Variants in LIFR observed in about 807,000 individuals in gnomAD.
LIFR encodes the protein LIF receptor subunit alpha.
In LIFR, 84 loss-of-function variants were observed where a neutral mutation model predicts 122.2. The ratio of observed to expected loss-of-function variants is 0.69; its 90% CI spans 0.58 to 0.82. The LOEUF is 0.82. Among genes scored for constraint, LIFR ranks in the 40% least tolerant of loss-of-function variants. LIFR has a pLI of 0.00. For synonymous variants in LIFR, 422 were observed against 434.7 expected, an observed-to-expected ratio of 0.97 and a Z score of 0.36; for missense variants, 1,294 against 1,311.6, an observed-to-expected ratio of 0.99 and a Z score of 0.21.
chr5:38,569,390 G>A (rs1235326537), intron 1 of LIFR, among the ~76,000 whole-genome samples: 5 of 152,150 alleles, frequency 3.3e-5, no homozygotes, highest in African/African-American at 1.2e-4. Context: ...TGAGAAGCAG[G>A]AGGCTGCTCA....
chr5:38,587,975 C>T (rs1021730969), intron 1 of LIFR, among the ~76,000 whole-genome samples: 5 of 152,198 alleles, frequency 3.3e-5, no homozygotes, highest in Admixed American at 2.6e-4. Flanking sequence ...TCAGTTGCTA[C>T]TGTAGAATTT....
At chr5:38,585,500 G>A (rs984332327) in intron 1 of LIFR, among the ~76,000 whole-genome samples, 2 of 152,178 alleles carry the variant, frequency 1.3e-5, no homozygotes, top group Non-Finnish European at 2.9e-5. Context: ...GGCTCCCAAC[G>A]TTCAATGATC....
Position 38,517,443 on chromosome 5 carries a change from A to G in LIFR, c.562-5479T>C, listed in dbSNP as rs1746143353. On this transcript the variant is annotated intron_variant, in intron 5 of 19. Coordinates refer to ENST00000453190, the MANE Select transcript of LIFR (RefSeq NM_001127671.2). ...AATGACAAGTTAAGCAATATAATTT[A>G]AATAAATAATACCTTTAAGACAGCA... Among the ~76,000 whole-genome samples, 3 of 152,186 alleles carry G rather than the reference A, an allele frequency of 2.0e-5. No homozygotes were observed. In the South Asian group the frequency reaches 6.2e-4, roughly 32 times the overall value.
chr5:38,566,115 T>C (rs767204148), intron 1 of LIFR, among the ~76,000 whole-genome samples: 15 of 152,204 alleles, frequency 9.9e-5, no homozygotes, highest in Non-Finnish European at 2.2e-4. Flanking sequence ...TTTATTGCTT[T>C]CTGTCTTTCA....
At chr5:38,545,692 G>A (rs1317543397) in intron 1 of LIFR, among the ~76,000 whole-genome samples, 2 of 151,528 alleles carry the variant, frequency 1.3e-5, no homozygotes, top group Non-Finnish European at 2.9e-5. Context: ...GAAACCCTGT[G>A]TCTACTAAAA....
At chr5:38,574,191 T>C (rs1749309344) in intron 1 of LIFR, among the ~76,000 whole-genome samples, 1 of 152,082 alleles carries the variant, frequency 6.6e-6, no homozygotes, top group Non-Finnish European at 1.5e-5. Flanking sequence ...CCACTGCATC[T>C]GGTCTTCACT....
At chr5:38,569,821 T>C (rs974183528) in intron 1 of LIFR, among the ~76,000 whole-genome samples, 3 of 152,210 alleles carry the variant, frequency 2.0e-5, no homozygotes, top group Non-Finnish European at 4.4e-5. Context: ...CTACCTCCTC[T>C]TTCCGAAGAA....
intron 5 of LIFR, among the ~76,000 whole-genome samples, chr5:38,519,201 GT>G (rs1311496314): frequency 6.6e-6 from 1 of 152,208 alleles, no homozygotes; most frequent in East Asian, 1.9e-4. Flanking sequence ...ATTGTACCAT[GT>G]AGACTACAGT....
intron 1 of LIFR, among the ~76,000 whole-genome samples, chr5:38,542,750 C>G (rs1436031761): frequency 6.6e-6 from 1 of 152,166 alleles, no homozygotes; most frequent in South Asian, 2.1e-4. Flanking sequence ...TGTTCCCGCA[C>G]AGACAGATCA....
At chr5:38,602,591 T>G (rs1240244588) in intron 2 of LIFR, among the ~76,000 whole-genome samples, 10 of 152,188 alleles carry the variant, frequency 6.6e-5, no homozygotes. Context: ...TTGTTTAGGT[T>G]TTTATCTTGC....
chr5:38,529,524 T>A (rs1746885011), intron 2 of LIFR, among the ~76,000 whole-genome samples: 1 of 152,094 alleles, frequency 6.6e-6, no homozygotes, highest in African/African-American at 2.4e-5. Flanking sequence ...TTCAGAAGAT[T>A]ACAATCCTAC....
At chr5:38,602,580 C>T (rs1750241811) in intron 2 of LIFR, among the ~76,000 whole-genome samples, 2 of 151,950 alleles carry the variant, frequency 1.3e-5, no homozygotes, top group South Asian at 4.1e-4. Flanking sequence ...ATTCTAATTC[C>T]TTGTTTAGGT....
intron 11 of LIFR, among the ~76,000 whole-genome samples, chr5:38,502,271 T>C (rs564764270): frequency 2.9e-4 from 44 of 152,160 alleles, no homozygotes; most frequent in Admixed American, 2.5e-3. Context: ...TTTTTTCTTA[T>C]TTAGAGACGG....
At chr5:38,587,098 T>G (rs1749773701) in intron 1 of LIFR, among the ~76,000 whole-genome samples, 1 of 152,102 alleles carries the variant, frequency 6.6e-6, no homozygotes, top group South Asian at 2.1e-4. Flanking sequence ...GAGAGTTTTA[T>G]GAACAGCCAC....
At chr5:38,509,886 T>G (rs1264968826) in intron 7 of LIFR, among the ~76,000 whole-genome samples, 1 of 152,206 alleles carries the variant, frequency 6.6e-6, no homozygotes, top group African/African-American at 2.4e-5. Context: ...AATTTTAGAC[T>G]GTGGGGTGAT....
At position 38,484,829 on chromosome 5, in the gene LIFR, A is replaced by G; in HGVS notation, c.2537T>C (p.Val846Ala). Residue 846 changes from valine to alanine, a missense_variant, in exon 18 of 20, where the codon GTG becomes GCG. Physicochemically the swap from Val to Ala is moderately conservative, Grantham distance 64. Transcript: ENST00000453190. ...TGTCACCACTCCAACAATGACAGCC[A>G]CTGCCACTGGGATGAGAATGGCAAT... ...LIIAILIPVA[V>A]AVIVGVVTSI... The G allele has an allele frequency of 1.9e-6, 3 of 1,613,812 alleles. No individual in the cohort carries two copies. Among genetic ancestry groups the G allele is most frequent in the Non-Finnish European group, 2.5e-6 (3 of 1,179,742 alleles).
chr5:38,574,776 A>T (rs1475794704), intron 1 of LIFR, among the ~76,000 whole-genome samples: 21 of 152,200 alleles, frequency 1.4e-4, no homozygotes, highest in Non-Finnish European at 1.5e-5. Context: ...TTGCATGCTG[A>T]CGGTCACAGT....
chr5:38,544,686 AT>A (rs773310136), intron 1 of LIFR, among the ~76,000 whole-genome samples: 3 of 152,108 alleles, frequency 2.0e-5, no homozygotes, highest in Non-Finnish European at 4.4e-5. Flanking sequence ...TGCATACATA[AT>A]TCCTGACTTA....
At chr5:38,551,123 T>A (rs1057319570) in intron 1 of LIFR, among the ~76,000 whole-genome samples, 1 of 152,194 alleles carries the variant, frequency 6.6e-6, no homozygotes, top group African/African-American at 2.4e-5. Context: ...AGAAAATGTA[T>A]GCTCCTAACT....
Sources: gnomAD v4.1 joint callset for allele counts (sites outside exome capture counted in the v4.1 genomes callset) on GRCh38, gnomAD v4.1.1 for gene constraint, MANE v1.5 for transcripts, NCBI Gene and HGNC (gene_info 2026-07-23, HGNC 2026-07-21) for gene names.